LRP1B: variants seen among roughly 807,000 people sequenced by gnomAD.
LRP1B encodes low-density lipoprotein receptor-related protein 1B.
Under a neutral mutation model 556.6 loss-of-function variants are expected in LRP1B, and 217 were observed. The observed-to-expected ratio is 0.39, with a 90% CI of 0.35 to 0.44. The LOEUF (loss-of-function observed/expected upper bound fraction) is 0.44, where lower values mean the gene tolerates loss of function less well. Among genes scored for constraint, LRP1B ranks in the 20% least tolerant of loss-of-function variants. The probability of loss-of-function intolerance (pLI) is 1.00; values close to 1 mark genes in which losing one functional copy is unlikely to be tolerated. For synonymous variants in LRP1B, 2,047 were observed against 1,865.8 expected (o/e 1.10, Z -2.50); for missense variants, 5,053 against 5,620.8 (o/e 0.90, Z 3.23).
intron 1 of LRP1B, among the ~76,000 whole-genome samples, chr2:142,047,204 G>T (rs759016201): frequency 1.3e-5 from 2 of 151,932 alleles, no homozygotes; most frequent in Non-Finnish European, 2.9e-5. Context: ...GGTAGTATAT[G>T]GAAATGGTCT....
chr2:141,125,881 C>G (rs957650807), intron 7 of LRP1B, among the ~76,000 whole-genome samples: 2 of 143,906 alleles, frequency 1.4e-5, no homozygotes, highest in Admixed American at 1.4e-4. Flanking sequence ...TCCACTAAGC[C>G]TTTTAAAATT....
intron 29 of LRP1B, among the ~76,000 whole-genome samples, chr2:140,846,009 C>A (rs889192912): frequency 2.0e-5 from 3 of 152,032 alleles, no homozygotes; most frequent in African/African-American, 7.2e-5. Context: ...AAAGACAGGG[C>A]CCCATGGAAG....
intron 35 of LRP1B, among the ~76,000 whole-genome samples, chr2:140,765,955 T>A (rs1689089379): frequency 6.6e-6 from 1 of 152,046 alleles, no homozygotes; most frequent in Non-Finnish European, 1.5e-5. Context: ...ATGGCACATG[T>A]ATACATATGT....
At chr2:141,916,348 C>CTTATTTATTTATTTATTTATTTATTTAT (rs61643665) in intron 1 of LRP1B, among the ~76,000 whole-genome samples, 11 of 141,896 alleles carry the variant, frequency 7.8e-5, no homozygotes, top group Middle Eastern at 7.2e-3. Context: ...CACGTTTTCA[C>CTTATTTATTTATTTATTTATTTATTTAT]TTATTTATTT....
chr2:141,904,635 C>A (rs1156618627), intron 1 of LRP1B, among the ~76,000 whole-genome samples: 4 of 151,804 alleles, frequency 2.6e-5, no homozygotes, highest in African/African-American at 9.7e-5. Context: ...ATGTGACATG[C>A]AGTGACATGA....
chr2:140,774,850 A>G (rs538238569), intron 33 of LRP1B, among the ~76,000 whole-genome samples: 8 of 152,248 alleles, frequency 5.3e-5, no homozygotes, highest in African/African-American at 1.9e-4. Context: ...ATTATTGTGG[A>G]CATGACCCCA....
chr2:140,839,850 T>C (rs1692042585), intron 31 of LRP1B, 141 bp downstream of exon 31: 1 of 634,758 alleles, frequency 1.6e-6, no homozygotes, highest in African/African-American at 1.9e-5. Context: ...ACCCAATGGA[T>C]TCAATGAAAT....
At chr2:141,861,823 T>C (rs1698248583) in intron 1 of LRP1B, among the ~76,000 whole-genome samples, 1 of 151,790 alleles carries the variant, frequency 6.6e-6, no homozygotes, top group African/African-American at 2.4e-5. Context: ...CCAGTCACGC[T>C]GGAGGCTGAG....
chr2:140,828,647 G>A lies in LRP1B; in HGVS notation c.5209+11344C>T, dbSNP rs1335716292. Among the ~76,000 whole-genome samples the A allele has an allele frequency of 1.2e-3, 92 of 77,002 alleles. 23 individuals carry two copies. The Admixed American group carries it at 0.012, about 10-fold the overall frequency. The allele number at this position is 77,002 out of a possible 152,430, so 50.5% of individuals were successfully genotyped here. A position where few individuals can be genotyped will look rare whatever the true frequency, so the allele number is the denominator to read the frequency against. On this transcript the variant is annotated intron_variant, in intron 31 of 90. Transcript: ENST00000389484. ...AAAAAAAAAATACAAAAAATTAGCC[G>A]GGCGTGGTAGCGGGCGCCTGTAGTC...
At chr2:141,684,265 A>G (rs1489751720) in intron 2 of LRP1B, among the ~76,000 whole-genome samples, 3 of 152,154 alleles carry the variant, frequency 2.0e-5, no homozygotes, top group Admixed American at 6.6e-5. Context: ...GTGGAATACT[A>G]TGCAGCCATA....
At chr2:141,413,523 CTTTG>C (rs1690937323) in intron 3 of LRP1B, among the ~76,000 whole-genome samples, 1 of 152,102 alleles carries the variant, frequency 6.6e-6, no homozygotes, top group African/African-American at 2.4e-5. Context: ...TCCTGGGAGA[CTTTG>C]TTTGATTTGC....
In LRP1B at chr2:141,533,257, TTGA is replaced by T. The variant is rs1429721670; in HGVS notation, c.206-52727_206-52725del. 2.6e-5 allele frequency among the ~76,000 whole-genome samples: 4 copies of T among 152,226 alleles called. No individual in the cohort carries two copies. The East Asian group carries it at 5.8e-4, about 22-fold the overall frequency. ...AATATGATTCTACTTTTGGAAGGTGTTGATAATTCATTAGCGTATGAAATGAAT... is the reference window on the plus strand; with the variant it reads ...AATATGATTCTACTTTTGGAAGGTGTTAATTCATTAGCGTATGAAATGAAT... On this transcript the variant is annotated intron_variant, in intron 2 of 90. Transcript: ENST00000389484.
rs145736184 is a variant in LRP1B, at chr2:142,128,719, G to T, written c.82+1929C>A. On this transcript the variant is annotated intron_variant, in intron 1 of 90. Coordinates refer to ENST00000389484, the MANE Select transcript of LRP1B (RefSeq NM_018557.3). ...TGATATAGTACTTCATGTGGACGTG[G>T]TGATACAACACGACACTATTTCATT... Among the ~76,000 whole-genome samples the T allele has an allele frequency of 3.3e-5, 5 of 152,222 alleles. No homozygotes were observed. In the East Asian group the frequency reaches 9.6e-4, roughly 29 times the overall value.
At chr2:140,733,634 C>A (rs900353220) in intron 35 of LRP1B, among the ~76,000 whole-genome samples, 2 of 152,012 alleles carry the variant, frequency 1.3e-5, no homozygotes, top group African/African-American at 4.8e-5. Context: ...CATGTAATTC[C>A]ATTTATATAA....
chr2:141,488,902 T>C (rs1683215969), intron 2 of LRP1B, among the ~76,000 whole-genome samples: 1 of 152,046 alleles, frequency 6.6e-6, no homozygotes, highest in South Asian at 2.1e-4. Flanking sequence ...ATAACTAAGT[T>C]ATACATGAAG....
At chr2:141,796,006 T>G (rs1313907742) in intron 2 of LRP1B, among the ~76,000 whole-genome samples, 3 of 150,438 alleles carry the variant, frequency 2.0e-5, no homozygotes, top group African/African-American at 7.3e-5. Flanking sequence ...GGTTAAATCT[T>G]AAACACAAGC....
At chr2:141,746,977 C>T (rs1036506) in intron 2 of LRP1B, among the ~76,000 whole-genome samples, 9,328 of 75,356 alleles carry the variant, frequency 0.12, 386 homozygotes, top group Admixed American at 0.29. Context: ...TTTTGATGAG[C>T]GTCCTTCATG....
At chr2:141,772,008 G>A (rs111975594) in intron 2 of LRP1B, among the ~76,000 whole-genome samples, 1,631 of 151,964 alleles carry the variant, frequency 0.011, 34 homozygotes, top group African/African-American at 0.038. Flanking sequence ...TAGTAGAGAC[G>A]GGGTTTCACC....
intron 86 of LRP1B, among the ~76,000 whole-genome samples, chr2:140,260,797 C>T (rs1053049337): frequency 6.6e-6 from 1 of 151,806 alleles, no homozygotes; most frequent in Non-Finnish European, 1.5e-5. Context: ...CCATATCCCT[C>T]TTTTCTGCTC....
Sources: gnomAD v4.1 joint callset for allele counts (sites outside exome capture counted in the v4.1 genomes callset) on GRCh38, gnomAD v4.1.1 for gene constraint, MANE v1.5 for transcripts, NCBI Gene and HGNC (gene_info 2026-07-23, HGNC 2026-07-21) for gene names.